Variants in XKR4 observed in about 807,000 individuals in gnomAD.
The protein encoded by XKR4 is XK-related protein 4.
A neutral mutation model predicts 53.9 loss-of-function variants in XKR4; 12 were observed. The ratio of observed to expected loss-of-function variants is 0.22; its 90% confidence interval spans 0.14 to 0.36. The LOEUF (loss-of-function observed/expected upper bound fraction) is 0.36. XKR4 is among the 10% of genes least tolerant of loss of function. The pLI is 1.00. For missense variants in XKR4, 799 were observed against 859.5 expected (o/e 0.93, Z 0.88); for synonymous variants, 354 against 362.4 (o/e 0.98, Z 0.26).
chr8:55,451,857 G>T lies in XKR4; in HGVS notation c.1007-71424G>T, dbSNP rs1172019305. 4 of 881,220 alleles carry T rather than the reference G, an allele frequency of 4.5e-6. 1 individual carries two copies. Among genetic ancestry groups the T allele is most frequent in the Middle Eastern group, 4.3e-4 (2 of 4,630 alleles). 54.6% of individuals were successfully genotyped at this position (881,220 alleles called of 1,614,324 possible). On this transcript the variant is annotated intron_variant, in intron 2 of 2. Transcript: ENST00000327381. Reference sequence around the variant, plus strand: ...TGGTCATGCCGTCCGAGGGCTTCAAGGCTGAGGACGGGGTCAGTGTGCTGG... The same window carrying T: ...TGGTCATGCCGTCCGAGGGCTTCAATGCTGAGGACGGGGTCAGTGTGCTGG...
chr8:55,297,902 AG>A (rs1336217255), intron 1 of XKR4, among the ~76,000 whole-genome samples: 1 of 152,204 alleles, frequency 6.6e-6, no homozygotes, highest in Non-Finnish European at 1.5e-5. Context: ...ATAGTAAATT[AG>A]AAGAAAACAA....
At chr8:55,466,013 A>T (rs1263793486) in intron 2 of XKR4, among the ~76,000 whole-genome samples, 1 of 152,120 alleles carries the variant, frequency 6.6e-6, no homozygotes, top group Admixed American at 6.6e-5. Context: ...ATGTGGAGAA[A>T]TAGGAACACT....
chr8:55,368,301 G>T (rs1186950554), intron 2 of XKR4, among the ~76,000 whole-genome samples: 1 of 152,004 alleles, frequency 6.6e-6, no homozygotes, highest in Non-Finnish European at 1.5e-5. Context: ...AAACTCCCTG[G>T]GGACTTCTTG....
At chr8:55,257,739 G>A (rs996606171) in intron 1 of XKR4, among the ~76,000 whole-genome samples, 3 of 152,260 alleles carry the variant, frequency 2.0e-5, no homozygotes, top group Admixed American at 6.5e-5. Flanking sequence ...TGATACTGTG[G>A]CTTTTCACTC....
chr8:55,219,294 A>G (rs1232253937), intron 1 of XKR4, among the ~76,000 whole-genome samples: 11 of 152,164 alleles, frequency 7.2e-5, no homozygotes, highest in Non-Finnish European at 5.9e-5. Flanking sequence ...CCCATTCAGA[A>G]TCTGCTCTTC....
At chr8:55,126,692 A>T (rs1816472969) in intron 1 of XKR4, among the ~76,000 whole-genome samples, 1 of 152,192 alleles carries the variant, frequency 6.6e-6, no homozygotes, top group African/African-American at 2.4e-5. Flanking sequence ...CACTGCTGAA[A>T]AATACAGTTT....
chr8:55,287,738 G>C (rs913396042), intron 1 of XKR4, among the ~76,000 whole-genome samples: 2 of 152,148 alleles, frequency 1.3e-5, no homozygotes, highest in African/African-American at 2.4e-5. Flanking sequence ...TCTCCCTAAG[G>C]GGCTTACACA....
chr8:55,464,768 G>A (rs1421816409), intron 2 of XKR4, among the ~76,000 whole-genome samples: 1 of 152,140 alleles, frequency 6.6e-6, no homozygotes, highest in Non-Finnish European at 1.5e-5. Context: ...TCCTTAAGCT[G>A]ATAAGCAACT....
chr8:55,264,036 A>T (rs1411718361), intron 1 of XKR4, among the ~76,000 whole-genome samples: 1 of 152,224 alleles, frequency 6.6e-6, no homozygotes, highest in East Asian at 1.9e-4. Flanking sequence ...AGTACTCCAA[A>T]GCACTACATA....
At chr8:55,383,309 C>T (rs1804262358) in intron 2 of XKR4, among the ~76,000 whole-genome samples, 1 of 152,180 alleles carries the variant, frequency 6.6e-6, no homozygotes, top group Admixed American at 6.5e-5. Context: ...TTTGATCTAC[C>T]TAATTACATC....
chr8:55,193,757 G>A (rs1190438167), intron 1 of XKR4, among the ~76,000 whole-genome samples: 3 of 152,218 alleles, frequency 2.0e-5, no homozygotes, highest in Admixed American at 1.3e-4. Context: ...AGCCCCCTCA[G>A]GTCCCCAGAT....
At chr8:55,391,324 C>T (rs1804440125) in intron 2 of XKR4, among the ~76,000 whole-genome samples, 1 of 152,152 alleles carries the variant, frequency 6.6e-6, no homozygotes, top group Non-Finnish European at 1.5e-5. Flanking sequence ...TTCATTGTAG[C>T]TTTATTATAA....
At chr8:55,409,558 T>C (rs576765832) in intron 2 of XKR4, among the ~76,000 whole-genome samples, 2 of 132,340 alleles carry the variant, frequency 1.5e-5, no homozygotes, top group Admixed American at 1.6e-4. Flanking sequence ...CAGTGGAACA[T>C]GAAACAGTTT....
At chr8:55,453,643 C>T in intron 2 of XKR4, 1 of 423,718 alleles carries the variant, frequency 2.4e-6, no homozygotes, top group Admixed American at 2.9e-5. Context: ...CGATCCACTG[C>T]ATGGCGCCCT....
intron 2 of XKR4, among the ~76,000 whole-genome samples, chr8:55,398,886 A>G (rs997822476): frequency 2.6e-5 from 4 of 152,240 alleles, no homozygotes; most frequent in Non-Finnish European, 5.9e-5. Flanking sequence ...GAATATTATC[A>G]TCTGAAAAAA....
intron 1 of XKR4, among the ~76,000 whole-genome samples, chr8:55,160,604 G>A (rs1464235313): frequency 1.3e-5 from 2 of 152,188 alleles, no homozygotes; most frequent in Non-Finnish European, 2.9e-5. Flanking sequence ...CTCCCTCAGA[G>A]GGATTCACAT....
chr8:55,462,204 A>G (rs1467428827), intron 2 of XKR4, among the ~76,000 whole-genome samples: 2 of 152,236 alleles, frequency 1.3e-5, no homozygotes, highest in Non-Finnish European at 2.9e-5. Context: ...GAAGGAAAAA[A>G]TGTTAAGGGC....
At chr8:55,271,291 A>G in intron 1 of XKR4, among the ~76,000 whole-genome samples, 1 of 152,226 alleles carries the variant, frequency 6.6e-6, no homozygotes, top group East Asian at 1.9e-4. Flanking sequence ...ATTAATTAAT[A>G]GTAAGCTAAA....
intron 1 of XKR4, among the ~76,000 whole-genome samples, chr8:55,316,837 A>T (rs1032802459): frequency 6.6e-6 from 1 of 152,246 alleles, no homozygotes; most frequent in African/African-American, 2.4e-5. Flanking sequence ...AACATAAAGG[A>T]ATTCTTACAC....
Sources: gnomAD v4.1 joint callset for allele counts (sites outside exome capture counted in the v4.1 genomes callset) on GRCh38, gnomAD v4.1.1 for gene constraint, MANE v1.5 for transcripts, NCBI Gene and HGNC (gene_info 2026-07-23, HGNC 2026-07-21) for gene names.